TSC22D1: variants seen among roughly 807,000 people sequenced by gnomAD.
The protein encoded by TSC22D1 is TSC22 domain family member 1, also known as TSC22 domain family protein 1.
A neutral mutation model predicts 74.2 loss-of-function variants in TSC22D1; 9 were observed. The observed-to-expected ratio is 0.12, with a 90% CI of 0.07 to 0.21. TSC22D1 has a LOEUF of 0.21. Among genes scored for constraint, TSC22D1 ranks in the 10% least tolerant of loss-of-function variants. The pLI is 1.00. For missense variants in TSC22D1, 1,427 were observed against 1,304.7 expected (o/e 1.09, Z -1.44); for synonymous variants, 586 against 492.5 (o/e 1.19, Z -2.51).
intron 1 of TSC22D1, among the ~76,000 whole-genome samples, chr13:44,459,258 T>TCTGCTC (rs1876859815): frequency 6.6e-6 from 1 of 152,166 alleles, no homozygotes; most frequent in Non-Finnish European, 1.5e-5. Context: ...TTGTGGGGAA[T>TCTGCTC]GACCTGCCTG....
intron 1 of TSC22D1, among the ~76,000 whole-genome samples, chr13:44,525,795 C>CA (rs59399056): frequency 0.062 from 5,482 of 88,546 alleles, 164 homozygotes; most frequent in African/African-American, 0.11. Context: ...TAGCTTTTAA[C>CA]AAAAAAAAAA....
At chr13:44,485,252 G>C (rs1878375585) in intron 1 of TSC22D1, among the ~76,000 whole-genome samples, 3 of 152,038 alleles carry the variant, frequency 2.0e-5, no homozygotes, top group African/African-American at 7.2e-5. Flanking sequence ...TGAAAAATGA[G>C]TGCTTAGTAT....
intron 1 of TSC22D1, 80 bp downstream of exon 1, chr13:44,573,083 C>A (rs998715827): frequency 2.0e-6 from 3 of 1,502,504 alleles, no homozygotes; most frequent in South Asian, 1.4e-5. Context: ...GTTTTAGAGT[C>A]ATTTTGTGCA....
chr13:44,474,481 A>T (rs1464668090), intron 1 of TSC22D1, among the ~76,000 whole-genome samples: 1 of 152,186 alleles, frequency 6.6e-6, no homozygotes, highest in Non-Finnish European at 1.5e-5. Context: ...AGCATTTTAA[A>T]AGGCATGGGT....
intron 1 of TSC22D1, among the ~76,000 whole-genome samples, chr13:44,555,285 G>C (rs1026676820): frequency 6.6e-6 from 1 of 151,128 alleles, no homozygotes; most frequent in Admixed American, 6.6e-5. Context: ...TCCAGAAAAC[G>C]TAAGCAAACA....
intron 1 of TSC22D1, among the ~76,000 whole-genome samples, chr13:44,545,931 C>T (rs918756983): frequency 1.3e-5 from 2 of 151,586 alleles, no homozygotes; most frequent in Non-Finnish European, 1.5e-5. Flanking sequence ...GAGCCAAGAT[C>T]GCGCCACTGC....
At position 44,561,745 on chromosome 13, in the gene TSC22D1, A is replaced by G. The variant is rs141043146; in HGVS notation, c.2912+11418T>C. Among the ~76,000 whole-genome samples the G allele has an allele frequency of 1.3e-3, 200 of 152,316 alleles. 1 individual carries two copies. Among genetic ancestry groups the G allele is most frequent in the African/African-American group, 4.6e-3 (190 of 41,560 alleles). ...TGCGATTAGATTTCCATCCCAAGCC[A>G]TTCCTTAAAATATTTAAAGCAGCTT... On this transcript the variant is annotated intron_variant, in intron 1 of 2. Coordinates refer to ENST00000458659, the MANE Select transcript of TSC22D1 (RefSeq NM_183422.4).
intron 1 of TSC22D1, among the ~76,000 whole-genome samples, chr13:44,536,029 A>C (rs1292418860): frequency 6.6e-6 from 1 of 151,924 alleles, no homozygotes; most frequent in Non-Finnish European, 1.5e-5. Flanking sequence ...ACCTTTTAAT[A>C]GCTTTAATTC....
chr13:44,524,648 G>A (rs1334890740), intron 1 of TSC22D1, among the ~76,000 whole-genome samples: 8 of 152,100 alleles, frequency 5.3e-5, no homozygotes. Context: ...CCGGATTCAA[G>A]CAATTCTCCT....
intron 1 of TSC22D1, among the ~76,000 whole-genome samples, chr13:44,552,553 A>G (rs1287532744): frequency 6.6e-6 from 1 of 152,260 alleles, no homozygotes; most frequent in African/African-American, 2.4e-5. Flanking sequence ...GACAGGGCCA[A>G]TTAAAAGAGC....
At chr13:44,571,788 C>G (rs1595178731) in intron 1 of TSC22D1, among the ~76,000 whole-genome samples, 1 of 151,976 alleles carries the variant, frequency 6.6e-6, no homozygotes, top group Non-Finnish European at 1.5e-5. Context: ...ATACAGAATA[C>G]ATTTGGTTAG....
chr13:44,567,920 TA>T (rs1883490479), intron 1 of TSC22D1, among the ~76,000 whole-genome samples: 1 of 151,726 alleles, frequency 6.6e-6, no homozygotes, highest in Admixed American at 6.6e-5. Context: ...ACTGGAAACA[TA>T]AAATCTTATA....
In TSC22D1 at chr13:44,500,745, C is replaced by T. The variant is rs113416287; in HGVS notation, c.2913-64650G>A. Among the ~76,000 whole-genome samples, 858 of 152,248 alleles carry T rather than the reference C, an allele frequency of 5.6e-3. 1 individual carries two copies. Among genetic ancestry groups the T allele is most frequent in the Non-Finnish European group, 8.8e-3 (596 of 68,010 alleles). ...TGCCACCCAGGCTGGAGTGCAGTGG[C>T]GCAATCATAGCTCACTGCAGCCTCA... is the stretch of plus-strand genomic sequence containing the variant. On this transcript the variant is annotated intron_variant, in intron 1 of 2. Transcript: ENST00000458659.
Position 44,575,032 on chromosome 13 carries a change from C to T in TSC22D1, c.1043G>A (p.Gly348Asp), listed in dbSNP as rs747262837. The stretch of plus-strand genomic sequence containing the variant: ...GGTAACTCCAGGCCCAACACTCACA[C>T]CAGCAGCACTAGGAATATTGCTTGT... Reference protein sequence around the residue: ...ISTSNIPSAAGVSVGPGVTSG... With the variant: ...ISTSNIPSAADVSVGPGVTSG... Residue 348 changes from glycine to aspartate, a missense_variant, in exon 1 of 3, where the codon GGT (glycine) becomes GAT (aspartate). By Grantham distance (94) the Gly-to-Asp change is moderately conservative. This residue lies in a region of TSC22D1 where 1,343 missense variants were observed against 1,191.5 expected (regional missense o/e 1.13). Transcript: ENST00000458659. 2 of 1,614,024 alleles carry T rather than the reference C, an allele frequency of 1.2e-6. No individual in the cohort carries two copies. Among genetic ancestry groups the T allele is most frequent in the Middle Eastern group, 1.6e-4 (1 of 6,084 alleles).
chr13:44,494,087 C>T (rs1461637003), intron 1 of TSC22D1, among the ~76,000 whole-genome samples: 1 of 151,548 alleles, frequency 6.6e-6, no homozygotes, highest in Non-Finnish European at 1.5e-5. Flanking sequence ...AAAAATTAGC[C>T]AAGCATGGTC....
intron 1 of TSC22D1, among the ~76,000 whole-genome samples, chr13:44,442,673 T>C (rs936514228): frequency 1.2e-4 from 18 of 151,838 alleles, no homozygotes; most frequent in African/African-American, 4.4e-4. Flanking sequence ...TCCCAGCACT[T>C]TGGGAGGCCG....
intron 1 of TSC22D1, among the ~76,000 whole-genome samples, chr13:44,482,137 T>C (rs778861599): frequency 3.9e-5 from 6 of 152,240 alleles, no homozygotes; most frequent in Admixed American, 6.5e-5. Flanking sequence ...TATAAAAGAA[T>C]TGACATCTAT....
chr13:44,526,481 A>G (rs1880553712), intron 1 of TSC22D1, among the ~76,000 whole-genome samples: 1 of 151,476 alleles, frequency 6.6e-6, no homozygotes, highest in Non-Finnish European at 1.5e-5. Flanking sequence ...AAAGCAAAGA[A>G]AAAAAAAAGG....
At chr13:44,464,661 T>G (rs1877169979) in intron 1 of TSC22D1, among the ~76,000 whole-genome samples, 1 of 152,240 alleles carries the variant, frequency 6.6e-6, no homozygotes, top group African/African-American at 2.4e-5. Flanking sequence ...AGCTGGTGAA[T>G]TACAGCCTTT....
Sources: allele counts gnomAD v4.1 joint callset (sites outside exome capture counted in the v4.1 genomes callset), GRCh38; gene constraint gnomAD v4.1.1; regional missense constraint gnomAD v4.1.1; transcripts MANE v1.5; gene names NCBI Gene and HGNC (gene_info 2026-07-23, HGNC 2026-07-21).